The following ZFAND3 variants were observed in gnomAD, a reference collection of about 807,000 sequenced individuals.
ZFAND3 encodes the protein zinc finger AN1-type containing 3.
In ZFAND3, 10 loss-of-function variants were observed where a neutral mutation model predicts 29.6. The ratio of observed to expected loss-of-function variants is 0.34; its 90% CI spans 0.21 to 0.57. The LOEUF (loss-of-function observed/expected upper bound fraction) is 0.57. Among genes scored for constraint, ZFAND3 ranks in the 20% least tolerant of loss-of-function variants. ZFAND3 has a pLI of 0.86. For synonymous variants in ZFAND3, 128 were observed against 112.6 expected (o/e 1.14, Z -0.87); for missense variants, 230 against 304.5 (o/e 0.76, Z 1.82).
At chr6:38,097,543 A>G (rs144331195) in intron 4 of ZFAND3, among the ~76,000 whole-genome samples, 4 of 152,330 alleles carry the variant, frequency 2.6e-5, no homozygotes, top group East Asian at 1.9e-4. Context: ...GAATTCGACT[A>G]TAAGGGACCA....
At chr6:37,987,603 A>G in intron 2 of ZFAND3, among the ~76,000 whole-genome samples, 1 of 152,210 alleles carries the variant, frequency 6.6e-6, no homozygotes, top group East Asian at 1.9e-4. Flanking sequence ...ACCTTTGTAA[A>G]CTTTAAATAC....
At chr6:37,833,660 A>C (rs896119645) in intron 1 of ZFAND3, among the ~76,000 whole-genome samples, 1 of 151,902 alleles carries the variant, frequency 6.6e-6, no homozygotes, top group Non-Finnish European at 1.5e-5. Context: ...CCTCGTCTCT[A>C]CTAAAAAATA....
At chr6:37,889,644 G>A (rs1193448457) in intron 1 of ZFAND3, among the ~76,000 whole-genome samples, 1 of 152,228 alleles carries the variant, frequency 6.6e-6, no homozygotes, top group Non-Finnish European at 1.5e-5. Context: ...GTGAGACCCA[G>A]TGTGCTTGAT....
chr6:38,128,695 A>G (rs766887398), intron 5 of ZFAND3, among the ~76,000 whole-genome samples: 2 of 152,116 alleles, frequency 1.3e-5, no homozygotes, highest in Non-Finnish European at 2.9e-5. Context: ...TTACTCCATC[A>G]TGTATATATG....
chr6:37,983,671 T>C (rs1272360963), intron 2 of ZFAND3, among the ~76,000 whole-genome samples: 1 of 152,174 alleles, frequency 6.6e-6, no homozygotes, highest in Non-Finnish European at 1.5e-5. Flanking sequence ...CCCCATTTTT[T>C]ATCTTTTATA....
chr6:37,896,545 TCTTTC>T (rs1474382461), intron 1 of ZFAND3, among the ~76,000 whole-genome samples: 1 of 128,484 alleles, frequency 7.8e-6, no homozygotes, highest in African/African-American at 3.5e-5. Flanking sequence ...TTTCTTTCTT[TCTTTC>T]TTTCTTTCTT....
chr6:37,888,734 C>G (rs2127395355), intron 1 of ZFAND3, among the ~76,000 whole-genome samples: 1 of 152,222 alleles, frequency 6.6e-6, no homozygotes, highest in East Asian at 1.9e-4. Context: ...AGATCTCTTT[C>G]TCTTTGATGT....
In ZFAND3 at chr6:37,977,903, C is replaced by CTCTTCCTTTCTTCCTT. The variant is rs57674653; in HGVS notation, c.112+47911_112+47926dup. Among the ~76,000 whole-genome samples, 5 of 116,728 alleles carry CTCTTCCTTTCTTCCTT rather than the reference C, an allele frequency of 4.3e-5. No homozygotes were observed. The East Asian group carries it at 1.0e-3, about 24-fold the overall frequency. The allele number at this position is 116,728 out of a possible 152,430, so 76.6% of individuals were successfully genotyped here. A position where few individuals can be genotyped will look rare whatever the true frequency, so the allele number is the denominator to read the frequency against. Reference sequence around the variant, plus strand: ...TCCTTCCTTTCTCTCCTCTCCTCTCCTCTTCCTTTCTTCCTTTCTTCCGTT... The same window carrying CTCTTCCTTTCTTCCTT: ...TCCTTCCTTTCTCTCCTCTCCTCTCCTCTTCCTTTCTTCCTTTCTTCCTTTCTTCCTTTCTTCCGTT... On this transcript the variant is annotated intron_variant, in intron 2 of 5. Coordinates refer to ENST00000287218, the MANE Select transcript of ZFAND3 (RefSeq NM_021943.3).
At chr6:37,883,455 C>A (rs1764933614) in intron 1 of ZFAND3, among the ~76,000 whole-genome samples, 1 of 116,642 alleles carries the variant, frequency 8.6e-6, no homozygotes, top group Admixed American at 7.8e-5. Flanking sequence ...ACCCAGACTA[C>A]AAATGAGTTT....
intron 1 of ZFAND3, among the ~76,000 whole-genome samples, chr6:37,837,062 A>G (rs1194847437): frequency 6.6e-6 from 1 of 152,176 alleles, no homozygotes; most frequent in Non-Finnish European, 1.5e-5. Flanking sequence ...CTCAGATTCC[A>G]TGTCTCTCCC....
At position 38,077,699 on chromosome 6, in the gene ZFAND3, G is replaced by A. The variant is rs541163748; in HGVS notation, c.296-4693G>A. On this transcript the variant is annotated intron_variant, in intron 3 of 5. Coordinates refer to ENST00000287218, the MANE Select transcript of ZFAND3 (RefSeq NM_021943.3). Reference sequence around the variant, plus strand: ...AACCAGAAGCCAAAAATAACCAGTCGTCACAGCTATTTTAACAAAACTTTT... The same window carrying A: ...AACCAGAAGCCAAAAATAACCAGTCATCACAGCTATTTTAACAAAACTTTT... 6.6e-5 allele frequency among the ~76,000 whole-genome samples: 10 copies of A among 152,282 alleles called. No individual in the cohort carries two copies. In the South Asian group the frequency reaches 1.9e-3, roughly 28 times the overall value.
At chr6:37,981,593 A>T (rs936680725) in intron 2 of ZFAND3, among the ~76,000 whole-genome samples, 1 of 152,138 alleles carries the variant, frequency 6.6e-6, no homozygotes, top group African/African-American at 2.4e-5. Context: ...CTAAATTTAA[A>T]ATTTGTAATA....
chr6:37,909,141 T>G (rs564182091), intron 1 of ZFAND3, among the ~76,000 whole-genome samples: 1 of 152,296 alleles, frequency 6.6e-6, no homozygotes, highest in Non-Finnish European at 1.5e-5. Flanking sequence ...TAGAAGTTGC[T>G]TTTGATTTTA....
chr6:37,924,714 G>A (rs571558666), intron 1 of ZFAND3, among the ~76,000 whole-genome samples: 1 of 151,814 alleles, frequency 6.6e-6, no homozygotes, highest in East Asian at 1.9e-4. Flanking sequence ...TTATCTGCTT[G>A]GGAGGCTATA....
intron 3 of ZFAND3, among the ~76,000 whole-genome samples, chr6:38,078,857 GT>G (rs1324033250): frequency 6.6e-6 from 1 of 152,188 alleles, no homozygotes; most frequent in Non-Finnish European, 1.5e-5. Flanking sequence ...TGGGAGCCAA[GT>G]TTACAGTGAG....
chr6:37,904,585 A>G (rs1765376093), intron 1 of ZFAND3, among the ~76,000 whole-genome samples: 1 of 152,166 alleles, frequency 6.6e-6, no homozygotes, highest in Admixed American at 6.5e-5. Flanking sequence ...CCCCATGTAT[A>G]ATGAAAACTG....
At chr6:38,065,630 A>C (rs1216847498) in intron 3 of ZFAND3, among the ~76,000 whole-genome samples, 1 of 152,246 alleles carries the variant, frequency 6.6e-6, no homozygotes, top group East Asian at 1.9e-4. Flanking sequence ...ATTAAAACTT[A>C]GAGAGGTTCA....
chr6:37,855,319 T>TA (rs1487623965), intron 1 of ZFAND3, among the ~76,000 whole-genome samples: 1 of 151,142 alleles, frequency 6.6e-6, no homozygotes, highest in Non-Finnish European at 1.5e-5. Context: ...TAACTCTTTT[T>TA]TTTTTTTTTT....
intron 5 of ZFAND3, among the ~76,000 whole-genome samples, chr6:38,133,529 C>T (rs1475375985): frequency 6.6e-6 from 1 of 152,108 alleles, no homozygotes; most frequent in African/African-American, 2.4e-5. Context: ...GCGGGCGGAT[C>T]ATGAGGTCAA....
Sources: gnomAD v4.1 joint callset for allele counts (sites outside exome capture counted in the v4.1 genomes callset) on GRCh38, gnomAD v4.1.1 for gene constraint, MANE v1.5 for transcripts, NCBI Gene and HGNC (gene_info 2026-07-23, HGNC 2026-07-21) for gene names.